Variants in NLGN1 observed in about 807,000 individuals in gnomAD.
NLGN1 encodes neuroligin 1, also known as neuroligin-1.
Under a neutral mutation model 65.5 loss-of-function variants are expected in NLGN1, and 12 were observed. The ratio of observed to expected loss-of-function variants is 0.18; its 90% CI spans 0.12 to 0.30. NLGN1 has a LOEUF of 0.30. Ranked by LOEUF, NLGN1 falls within the 10% of genes least tolerant of loss-of-function variation. The pLI, the probability that NLGN1 is intolerant of heterozygous loss-of-function variation, is 1.00. For missense variants in NLGN1, 750 were observed against 1,007.1 expected (o/e 0.74, Z 3.46); for synonymous variants, 350 against 359.5 (o/e 0.97, Z 0.30).
intron 3 of NLGN1, among the ~76,000 whole-genome samples, chr3:173,763,284 A>G (rs1210959122): frequency 1.3e-5 from 2 of 151,586 alleles, no homozygotes; most frequent in Non-Finnish European, 2.9e-5. Context: ...TTTTGTCCTA[A>G]CCCCCACTAG....
At chr3:173,408,798 G>A (rs1368251966) in intron 1 of NLGN1, among the ~76,000 whole-genome samples, 1 of 151,784 alleles carries the variant, frequency 6.6e-6, no homozygotes, top group Non-Finnish European at 1.5e-5. Context: ...TGTAATTCCA[G>A]CTACTTGGGA....
intron 4 of NLGN1, among the ~76,000 whole-genome samples, chr3:174,070,615 C>G (rs897003786): frequency 6.6e-6 from 1 of 152,096 alleles, no homozygotes; most frequent in African/African-American, 2.4e-5. Flanking sequence ...CAGGTGTGAG[C>G]CACCGCGCCC....
At chr3:173,942,664 T>G (rs1259375077) in intron 4 of NLGN1, among the ~76,000 whole-genome samples, 3 of 138,498 alleles carry the variant, frequency 2.2e-5, no homozygotes, top group African/African-American at 8.5e-5. Flanking sequence ...TGAAAAGGTA[T>G]GTGAAACTTT....
chr3:173,413,101 CA>C (rs1218638285), intron 1 of NLGN1, among the ~76,000 whole-genome samples: 3 of 152,038 alleles, frequency 2.0e-5, no homozygotes, highest in African/African-American at 7.2e-5. Context: ...CCCTAGCCAA[CA>C]TGCTTCCCTC....
chr3:174,203,921 A>G lies in NLGN1; in HGVS notation c.647-71394A>G, dbSNP rs78450343. ...GTAGATATTATAATTTGTTTCAGATAATATAGAAATTCTATTGGAGTCATT... is the reference window on the plus strand; with the variant it reads ...GTAGATATTATAATTTGTTTCAGATGATATAGAAATTCTATTGGAGTCATT... On this transcript the variant is annotated intron_variant, in intron 4 of 6. Coordinates refer to ENST00000457714, the Ensembl canonical transcript of NLGN1. 5.8e-3 allele frequency among the ~76,000 whole-genome samples: 886 copies of G among 152,308 alleles called. 24 individuals carry two copies. The highest frequency in any genetic ancestry group is 0.029 in the East Asian group (150 of 5,184).
intron 4 of NLGN1, among the ~76,000 whole-genome samples, chr3:173,810,095 T>C (rs1717556184): frequency 6.6e-6 from 1 of 152,212 alleles, no homozygotes; most frequent in South Asian, 2.1e-4. Context: ...AAGACATTGG[T>C]TCTCGAACAG....
chr3:174,033,389 C>G (rs957394025), intron 4 of NLGN1, among the ~76,000 whole-genome samples: 4 of 152,042 alleles, frequency 2.6e-5, no homozygotes, highest in African/African-American at 9.7e-5. Context: ...GTTTCTAGTA[C>G]CTGATACATA....
intron 2 of NLGN1, among the ~76,000 whole-genome samples, chr3:173,601,895 TTTA>T (rs2149439119): frequency 6.6e-6 from 1 of 152,174 alleles, no homozygotes; most frequent in South Asian, 2.1e-4. Context: ...TGTCAGAATA[TTTA>T]CTGAGACTTC....
chr3:174,216,688 A>C (rs1254708210), intron 4 of NLGN1, among the ~76,000 whole-genome samples: 1 of 152,102 alleles, frequency 6.6e-6, no homozygotes, highest in South Asian at 2.1e-4. Flanking sequence ...TGCATTACTT[A>C]GGAAGTGAAG....
chr3:173,500,262 A>G (rs989050231), intron 2 of NLGN1, among the ~76,000 whole-genome samples: 2 of 152,092 alleles, frequency 1.3e-5, no homozygotes, highest in African/African-American at 4.8e-5. Context: ...GTAGCATGAA[A>G]GGTTGTTGAA....
At chr3:173,545,109 T>C (rs1739565369) in intron 2 of NLGN1, among the ~76,000 whole-genome samples, 1 of 151,966 alleles carries the variant, frequency 6.6e-6, no homozygotes, top group Non-Finnish European at 1.5e-5. Context: ...AGTTTCACTC[T>C]TGTCGCCCAG....
chr3:173,670,414 C>A (rs917754637), intron 3 of NLGN1, among the ~76,000 whole-genome samples: 3 of 152,096 alleles, frequency 2.0e-5, no homozygotes, highest in Non-Finnish European at 2.9e-5. Flanking sequence ...AGTATCATGT[C>A]AGGTTTTGTT....
At chr3:173,880,245 G>GAATGTAAAAAGA (rs1439566918) in intron 4 of NLGN1, among the ~76,000 whole-genome samples, 1 of 152,048 alleles carries the variant, frequency 6.6e-6, no homozygotes, top group African/African-American at 2.4e-5. Flanking sequence ...GTACAAGATA[G>GAATGTAAAAAGA]AATGTAAAAA....
At chr3:173,499,897 A>G (rs564368013) in intron 2 of NLGN1, among the ~76,000 whole-genome samples, 4 of 151,626 alleles carry the variant, frequency 2.6e-5, no homozygotes, top group Non-Finnish European at 2.9e-5. Context: ...ATTTTTGGGC[A>G]TTGATTTTGT....
intron 2 of NLGN1, among the ~76,000 whole-genome samples, chr3:173,458,990 T>G (rs527692212): frequency 5.0e-4 from 76 of 152,090 alleles, no homozygotes; most frequent in Non-Finnish European, 9.7e-4. Flanking sequence ...TTGGAACATG[T>G]GCTTCACCCA....
Position 173,613,833 on chromosome 3 carries a change from C to T in NLGN1, c.493+8742C>T, listed in dbSNP as rs572193467. 3.6e-4 allele frequency among the ~76,000 whole-genome samples: 55 copies of T among 151,818 alleles called. 1 individual carries two copies. The highest frequency in any genetic ancestry group is 1.8e-3 in the Admixed American group (28 of 15,240). ...TGCAAAAATCAGATTTAAGCAATGA[C>T]GAAAAGAAAATAAAAGGATCTGGAG... is the stretch of plus-strand genomic sequence containing the variant. On this transcript the variant is annotated intron_variant, in intron 3 of 6. Coordinates refer to ENST00000457714, the Ensembl canonical transcript of NLGN1.
chr3:173,816,037 T>C (rs1039625349), intron 4 of NLGN1, among the ~76,000 whole-genome samples: 1 of 138,530 alleles, frequency 7.2e-6, no homozygotes, highest in African/African-American at 2.8e-5. Context: ...AAATTATAAA[T>C]ATAATATAGT....
At chr3:174,288,511 A>G (rs1213325133), downstream of NLGN1, among the ~76,000 whole-genome samples, 2 of 150,762 alleles carry the variant, frequency 1.3e-5, no homozygotes, top group Non-Finnish European at 3.0e-5. Flanking sequence ...TTTTCTTTTT[A>G]TAGCCACACC....
intron 5 of NLGN1, among the ~76,000 whole-genome samples, chr3:174,276,957 A>G (rs1750702118): frequency 6.6e-6 from 1 of 151,950 alleles, no homozygotes; most frequent in Non-Finnish European, 1.5e-5. Context: ...TTGACGTGAA[A>G]GCCACCTTTA....
Sources: allele counts gnomAD v4.1 joint callset (sites outside exome capture counted in the v4.1 genomes callset), GRCh38; gene constraint gnomAD v4.1.1; transcripts MANE v1.5; gene names NCBI Gene and HGNC (gene_info 2026-07-23, HGNC 2026-07-21).